The following GPR39 variants were observed in gnomAD, a reference collection of about 807,000 sequenced individuals.
The protein encoded by GPR39 is zinc sensing receptor.
Under a neutral mutation model 18.4 loss-of-function variants are expected in GPR39, and 23 were observed. The ratio of observed to expected loss-of-function variants is 1.25; its 90% CI spans 0.90 to 1.77. GPR39 has a LOEUF of 1.77. Ranked by LOEUF, GPR39 falls within the 40% of genes most tolerant of loss-of-function variation. The pLI is 0.00. For synonymous variants in GPR39, 280 were observed against 257.9 expected (o/e 1.09, Z -0.82); for missense variants, 647 against 602.4 (o/e 1.07, Z -0.78).
At chr2:132,468,490 G>T (rs552887653) in intron 1 of GPR39, among the ~76,000 whole-genome samples, 1 of 152,288 alleles carries the variant, frequency 6.6e-6, no homozygotes, top group South Asian at 2.1e-4. Context: ...ACACAGAGGT[G>T]ACCAGTGCAG....
At chr2:132,436,270 C>T (rs1295768447) in intron 1 of GPR39, among the ~76,000 whole-genome samples, 1 of 152,244 alleles carries the variant, frequency 6.6e-6, no homozygotes, top group African/African-American at 2.4e-5. Flanking sequence ...CCAAGGCAAT[C>T]GATATATCAA....
At chr2:132,525,303 C>T (rs17395848) in intron 1 of GPR39, among the ~76,000 whole-genome samples, 22,210 of 152,158 alleles carry the variant, frequency 0.15, 1,721 homozygotes, top group Middle Eastern at 0.24. Context: ...TTGACAGACT[C>T]AATGCCCTCA....
intron 1 of GPR39, among the ~76,000 whole-genome samples, chr2:132,625,298 T>C (rs1681522338): frequency 6.6e-6 from 1 of 152,186 alleles, no homozygotes; most frequent in South Asian, 2.1e-4. Context: ...CTCTGTGAAG[T>C]GCCTTTTCAA....
intron 1 of GPR39, among the ~76,000 whole-genome samples, chr2:132,586,330 A>G (rs569431924): frequency 1.3e-5 from 2 of 152,202 alleles, no homozygotes; most frequent in African/African-American, 4.8e-5. Flanking sequence ...TGCGCCTTGC[A>G]TTGTTCAGCA....
chr2:132,457,524 T>C (rs1451165705), intron 1 of GPR39, among the ~76,000 whole-genome samples: 1 of 152,210 alleles, frequency 6.6e-6, no homozygotes, highest in Non-Finnish European at 1.5e-5. Context: ...GTTCCATTGC[T>C]GTCCATATGT....
At position 132,558,672 on chromosome 2, in the gene GPR39, T is replaced by C. The variant is rs149424861; in HGVS notation, c.857-86429T>C. ...AACAAGACGATGCACTTGAGATACA[T>C]GAAGGTGGATTTCTCTGCTTCCAGA... On this transcript the variant is annotated intron_variant, in intron 1 of 1. Coordinates refer to ENST00000329321, the MANE Select transcript of GPR39 (RefSeq NM_001508.3). 2.4e-3 allele frequency among the ~76,000 whole-genome samples: 360 copies of C among 152,258 alleles called. 1 individual carries two copies. The highest frequency in any genetic ancestry group is 7.8e-3 in the African/African-American group (324 of 41,550).
chr2:132,490,274 G>T lies in GPR39; in HGVS notation c.856+72376G>T, dbSNP rs1005066334. Among the ~76,000 whole-genome samples the T allele has an allele frequency of 5.3e-5, 8 of 151,858 alleles. 1 individual carries two copies. Among genetic ancestry groups the T allele is most frequent in the African/African-American group, 1.9e-4 (8 of 41,200 alleles). ...GTTTGGAGATAGCGAGAGATGAAAAGAAAGAAATGGAAAGGGATATTATGA... is the reference window on the plus strand; with the variant it reads ...GTTTGGAGATAGCGAGAGATGAAAATAAAGAAATGGAAAGGGATATTATGA... On this transcript the variant is annotated intron_variant, in intron 1 of 1. Coordinates refer to ENST00000329321, the MANE Select transcript of GPR39 (RefSeq NM_001508.3).
intron 1 of GPR39, among the ~76,000 whole-genome samples, chr2:132,485,141 AT>A (rs1284390910): frequency 6.6e-6 from 1 of 152,228 alleles, no homozygotes; most frequent in Non-Finnish European, 1.5e-5. Context: ...GTCGCATAAA[AT>A]TTTTGGTTTC....
chr2:132,592,643 C>T (rs901046990), intron 1 of GPR39, among the ~76,000 whole-genome samples: 23 of 152,046 alleles, frequency 1.5e-4, no homozygotes, highest in African/African-American at 4.6e-4. Context: ...GTAGCAGAGA[C>T]TAAAGGGTCA....
At chr2:132,584,624 G>A (rs187763090) in intron 1 of GPR39, among the ~76,000 whole-genome samples, 6,028 of 142,850 alleles carry the variant, frequency 0.042, 412 homozygotes, top group African/African-American at 0.14. Context: ...TCTTTCAGGG[G>A]AAAAAAAAAA....
chr2:132,623,149 G>A (rs1011228019), intron 1 of GPR39, among the ~76,000 whole-genome samples: 8 of 152,112 alleles, frequency 5.3e-5, no homozygotes, highest in African/African-American at 1.9e-4. Context: ...AGATTTTATG[G>A]TTTGTAAGGC....
At chr2:132,420,065 C>T (rs1054709896) in intron 1 of GPR39, among the ~76,000 whole-genome samples, 2 of 152,198 alleles carry the variant, frequency 1.3e-5, no homozygotes, top group African/African-American at 4.8e-5. Context: ...TAGTAATTGT[C>T]TGGAATGAGT....
At chr2:132,454,809 C>A (rs574283448) in intron 1 of GPR39, among the ~76,000 whole-genome samples, 3 of 152,182 alleles carry the variant, frequency 2.0e-5, no homozygotes, top group Non-Finnish European at 4.4e-5. Flanking sequence ...GTCGAACCAG[C>A]CTTGCATCCC....
intron 1 of GPR39, among the ~76,000 whole-genome samples, chr2:132,569,995 T>C (rs1680414125): frequency 6.6e-6 from 1 of 152,124 alleles, no homozygotes; most frequent in Non-Finnish European, 1.5e-5. Flanking sequence ...CTCGGGTTTG[T>C]CTTTAAGGGC....
At chr2:132,596,258 G>A (rs1209763246) in intron 1 of GPR39, among the ~76,000 whole-genome samples, 1 of 152,110 alleles carries the variant, frequency 6.6e-6, no homozygotes, top group African/African-American at 2.4e-5. Context: ...AATTGCATTA[G>A]TTTTTGCTCT....
chr2:132,520,599 C>G (rs557061549), intron 1 of GPR39, among the ~76,000 whole-genome samples: 1 of 152,358 alleles, frequency 6.6e-6, no homozygotes, highest in East Asian at 1.9e-4. Flanking sequence ...GCAGTAGGGT[C>G]CTCAGAGGCC....
chr2:132,443,865 T>A (rs137890732), intron 1 of GPR39, among the ~76,000 whole-genome samples: 3 of 152,326 alleles, frequency 2.0e-5, no homozygotes, highest in Non-Finnish European at 2.9e-5. Flanking sequence ...AGCCCAGGTG[T>A]TCGAGACCAA....
intron 1 of GPR39, among the ~76,000 whole-genome samples, chr2:132,457,296 C>T (rs1292258949): frequency 6.6e-6 from 1 of 152,174 alleles, no homozygotes; most frequent in Non-Finnish European, 1.5e-5. Context: ...ATGCGTGCAT[C>T]ATGAAGTTCT....
At chr2:132,610,210 C>A (rs750274779) in intron 1 of GPR39, among the ~76,000 whole-genome samples, 1 of 152,098 alleles carries the variant, frequency 6.6e-6, no homozygotes, top group Non-Finnish European at 1.5e-5. Context: ...TAAATACTTA[C>A]ATGCTTCTGG....
Sources: gnomAD v4.1 joint callset for allele counts (sites outside exome capture counted in the v4.1 genomes callset) on GRCh38, gnomAD v4.1.1 for gene constraint, MANE v1.5 for transcripts, NCBI Gene and HGNC (gene_info 2026-07-23, HGNC 2026-07-21) for gene names.